NAP1L1: variants seen among roughly 807,000 people sequenced by gnomAD.
NAP1L1 encodes nucleosome assembly protein 1 like 1.
Under a neutral mutation model 58.9 loss-of-function variants are expected in NAP1L1, and 9 were observed. That is an observed-to-expected ratio of 0.15 (90% confidence interval 0.09 to 0.27). The LOEUF (loss-of-function observed/expected upper bound fraction) is 0.27. Among genes scored for constraint, NAP1L1 ranks in the 10% least tolerant of loss-of-function variants. The pLI, the probability that NAP1L1 is intolerant of heterozygous loss-of-function variation, is 1.00. For synonymous variants in NAP1L1, 130 were observed against 138.3 expected, an observed-to-expected ratio of 0.94 and a Z score of 0.42; for missense variants, 302 against 458.8, an observed-to-expected ratio of 0.66 and a Z score of 3.12.
At chr12:76,062,743 G>A (rs917691622) in intron 4 of NAP1L1, among the ~76,000 whole-genome samples, 6 of 152,170 alleles carry the variant, frequency 3.9e-5, no homozygotes, top group Non-Finnish European at 8.8e-5. Flanking sequence ...AGATATGGAC[G>A]ACAAAAGTAG....
chr12:76,040,298 A>G lies in NAP1L1; in HGVS notation c.*8131T>C, dbSNP rs1345235562. On this transcript the variant is annotated 3_prime_UTR_variant, in exon 15 of 15. Coordinates refer to ENST00000618691, the MANE Select transcript of NAP1L1 (RefSeq NM_004537.7). ...TGTTATGCAGTACTAGGTAACTGCA[A>G]CTATTGATATGCCTTCCCTTGACTT... The G allele has an allele frequency of 2.0e-5, 3 of 152,168 alleles. No homozygotes were observed. Among genetic ancestry groups the G allele is most frequent in the Non-Finnish European group, 4.4e-5 (3 of 68,024 alleles). The allele number at this position is 152,168 out of a possible 1,614,324, so 9.4% of individuals were successfully genotyped here.
intron 6 of NAP1L1, chr12:76,056,439 G>A: frequency 2.7e-6 from 1 of 369,942 alleles, no homozygotes; most frequent in Non-Finnish European, 5.1e-6. Flanking sequence ...GAAGACTTAA[G>A]CATAATAAAC....
rs1413353847 is a variant in NAP1L1, at chr12:76,083,499, C to A, written c.-21+1068G>T. On this transcript the variant is annotated intron_variant, in intron 1 of 14. Transcript: ENST00000618691. ...AAAAAAAAAAAAAAAAAAAAAACCT[C>A]ATGAATTTGTGTTGGGCCACATTTA... is the stretch of plus-strand genomic sequence containing the variant. Among the ~76,000 whole-genome samples, 8 of 139,424 alleles carry A rather than the reference C, an allele frequency of 5.7e-5. No homozygotes were observed. In the South Asian group the frequency reaches 1.4e-3, roughly 24 times the overall value. 91.5% of individuals were successfully genotyped at this position (139,424 alleles called of 152,430 possible).
chr12:76,068,275 T>C (rs1949775195), intron 3 of NAP1L1, among the ~76,000 whole-genome samples: 1 of 152,212 alleles, frequency 6.6e-6, no homozygotes, highest in South Asian at 2.1e-4. Context: ...GTTCTGTATC[T>C]GTTAAGAAAA....
rs148148623 is a variant in NAP1L1, at chr12:76,048,811, G to T, written c.1141-347C>A. The stretch of plus-strand genomic sequence containing the variant: ...AGGAATAATAGACTAGGACTCTCAG[G>T]GACTGAGTAAGAGTAGTTGGAAGGA... On this transcript the variant is annotated intron_variant, in intron 14 of 14. Coordinates refer to ENST00000618691, the MANE Select transcript of NAP1L1 (RefSeq NM_004537.7). Among the ~76,000 whole-genome samples the T allele has an allele frequency of 2.0e-5, 3 of 152,100 alleles. No homozygotes were observed. In the East Asian group the frequency reaches 5.8e-4, roughly 29 times the overall value.
In NAP1L1 at chr12:76,047,470, G is replaced by A. The variant is rs1485512637; in HGVS notation, c.*959C>T. 11 of 123,462 alleles carry A rather than the reference G, an allele frequency of 8.9e-5. No homozygotes were observed. Among genetic ancestry groups the A allele is most frequent in the African/African-American group, 1.3e-4 (4 of 31,772 alleles). The allele number at this position is 123,462 out of a possible 1,614,324, so 7.6% of individuals were successfully genotyped here. The stretch of plus-strand genomic sequence containing the variant: ...CACTTGCTTATTAGTATAGCATCTC[G>A]TTCCAAAGCTGGTACCTTTTCTTCA... On this transcript the variant is annotated 3_prime_UTR_variant, in exon 15 of 15. Coordinates refer to ENST00000618691, the MANE Select transcript of NAP1L1 (RefSeq NM_004537.7).
chr12:76,074,497 A>G (rs917051440), intron 1 of NAP1L1: 4 of 271,756 alleles, frequency 1.5e-5, no homozygotes, highest in African/African-American at 9.2e-5. Flanking sequence ...CTGTTGTATA[A>G]AGACTATGAT....
chr12:76,057,493 G>A (rs919799442), intron 6 of NAP1L1: 8 of 669,482 alleles, frequency 1.2e-5, no homozygotes, highest in Non-Finnish European at 1.9e-5. Context: ...CAACAGTGGC[G>A]GGAGCAGAGC....
At position 76,084,678 on chromosome 12, in the gene NAP1L1, TA is replaced by T; in HGVS notation, c.-133del. 1 of 153,312 alleles carries T rather than the reference TA, an allele frequency of 6.5e-6. No individual in the cohort carries two copies. The highest frequency in any genetic ancestry group is 1.5e-5 in the Non-Finnish European group (1 of 68,918). The allele number at this position is 153,312 out of a possible 1,614,324, so 9.5% of individuals were successfully genotyped here. ...AGGCGGCGCCGCGAGCAGATGGCGCTAAAAAAGACCCAAGAGCCCGCCGCTC... is the reference window on the plus strand; with the variant it reads ...AGGCGGCGCCGCGAGCAGATGGCGCTAAAAAGACCCAAGAGCCCGCCGCTC... On this transcript the variant is annotated 5_prime_UTR_variant, in exon 1 of 15. Transcript: ENST00000618691.
Position 76,047,523 on chromosome 12 carries a change from C to T in NAP1L1, c.*906G>A, listed in dbSNP as rs1460776879. 1 of 150,804 alleles carries T rather than the reference C, an allele frequency of 6.6e-6. No homozygotes were observed. Among genetic ancestry groups the T allele is most frequent in the African/African-American group, 2.4e-5 (1 of 40,994 alleles). The allele number at this position is 150,804 out of a possible 1,614,324, so 9.3% of individuals were successfully genotyped here. ...AATGTGTTAAAAACTGAGTATAACC[C>T]TTAATTCAAGGTAGGCCTCTACTTC... On this transcript the variant is annotated 3_prime_UTR_variant, in exon 15 of 15. Transcript: ENST00000618691.
chr12:76,068,024 G>A (rs1302115746), intron 3 of NAP1L1, among the ~76,000 whole-genome samples: 2 of 152,114 alleles, frequency 1.3e-5, no homozygotes, highest in Non-Finnish European at 2.9e-5. Context: ...GGTTTTCAAT[G>A]GCTTTTTAAA....
At chr12:76,052,055 TATG>T (rs1182892352) in intron 11 of NAP1L1, among the ~76,000 whole-genome samples, 2 of 152,076 alleles carry the variant, frequency 1.3e-5, no homozygotes, top group Non-Finnish European at 2.9e-5. Flanking sequence ...ATCCCACTTC[TATG>T]ATACTAAACA....
At chr12:76,067,536 G>C (rs1949738557) in intron 3 of NAP1L1, 63 bp from the exon 4 acceptor site, 2 of 1,328,462 alleles carry the variant, frequency 1.5e-6, no homozygotes, top group Non-Finnish European at 2.1e-6. Flanking sequence ...TTTTTTAATA[G>C]GACAATCCAA....
At chr12:76,057,245 A>T (rs1283229128) in intron 6 of NAP1L1, 1 of 263,076 alleles carries the variant, frequency 3.8e-6, no homozygotes, top group Non-Finnish European at 7.4e-6. Flanking sequence ...AGCCAAGATC[A>T]TGCCAGTGTA....
At position 76,067,484 on chromosome 12, in the gene NAP1L1, A is replaced by G; in HGVS notation, c.104-11T>C. On this transcript the variant is annotated splice_polypyrimidine_tract_variant and intron_variant, in intron 3 of 14. Transcript: ENST00000618691. ...CAGTTAGCTGACGTGCTTTAAAAAA[A>G]AAAGGGCATCGAAAGAAGGATTTTA... 1 of 1,581,022 alleles carries G rather than the reference A, an allele frequency of 6.3e-7. No individual in the cohort carries two copies. Among genetic ancestry groups the G allele is most frequent in the African/African-American group, 1.3e-5 (1 of 74,178 alleles).
intron 11 of NAP1L1, among the ~76,000 whole-genome samples, chr12:76,050,920 G>C (rs1309041971): frequency 6.6e-6 from 1 of 150,996 alleles, no homozygotes; most frequent in Non-Finnish European, 1.5e-5. Context: ...TTGAGAGGCT[G>C]AGGTGGGAAG....
At chr12:76,064,896 T>G (rs1355420135) in intron 4 of NAP1L1, among the ~76,000 whole-genome samples, 1 of 152,156 alleles carries the variant, frequency 6.6e-6, no homozygotes, top group Non-Finnish European at 1.5e-5. Flanking sequence ...AACTGCTAAT[T>G]GCTATCTTAT....
chr12:76,057,807 A>G lies in NAP1L1; in HGVS notation c.430-1646T>C, dbSNP rs1452707434. ...AAGGTCAAGGAACAGCAGGGGAAGA[A>G]GAGGAGAAGAAAAAACAGAAGAGAG... On this transcript the variant is annotated intron_variant, in intron 6 of 14. Transcript: ENST00000618691. 3.2e-6 allele frequency: 5 copies of G among 1,550,690 alleles called. No homozygotes were observed. In the African/African-American group the frequency reaches 4.1e-5, roughly 13 times the overall value.
chr12:76,066,023 G>A (rs1296151930), intron 4 of NAP1L1, among the ~76,000 whole-genome samples: 2 of 149,668 alleles, frequency 1.3e-5, no homozygotes, highest in African/African-American at 4.9e-5. Flanking sequence ...CCTAAATGGG[G>A]GAACAATGGA....
Sources: gnomAD v4.1 joint callset for allele counts (sites outside exome capture counted in the v4.1 genomes callset) on GRCh38, gnomAD v4.1.1 for gene constraint, MANE v1.5 for transcripts, NCBI Gene and HGNC (gene_info 2026-07-23, HGNC 2026-07-21) for gene names.